SHLD1: variants seen among roughly 807,000 people sequenced by gnomAD.
The protein encoded by SHLD1 is RINN1-REV7-interacting novel NHEJ regulator 3.
In SHLD1, 3 loss-of-function variants were observed where a neutral mutation model predicts 5.5. The ratio of observed to expected loss-of-function variants is 0.54; its 90% CI spans 0.25 to 1.40. The LOEUF (loss-of-function observed/expected upper bound fraction) is 1.40. SHLD1 is among the 40% of genes most tolerant of loss of function. SHLD1 has a pLI of 0.15. For synonymous variants in SHLD1, 92 were observed against 94.3 expected (o/e 0.98, Z 0.14); for missense variants, 210 against 244.4 (o/e 0.86, Z 0.94).
At chr20:5,787,929 A>C (rs2087082523) in intron 2 of SHLD1, among the ~76,000 whole-genome samples, 1 of 152,214 alleles carries the variant, frequency 6.6e-6, no homozygotes, top group Non-Finnish European at 1.5e-5. Context: ...AGTCTCTCTC[A>C]AAAGCCCCTG....
chr20:5,813,740 CT>C (rs1175404982), intron 2 of SHLD1, among the ~76,000 whole-genome samples: 1 of 151,986 alleles, frequency 6.6e-6, no homozygotes, highest in Non-Finnish European at 1.5e-5. Context: ...AAACTTAATT[CT>C]CTGATGAAGT....
intron 2 of SHLD1, among the ~76,000 whole-genome samples, chr20:5,837,985 G>GA (rs898634398): frequency 1.3e-5 from 2 of 151,726 alleles, no homozygotes; most frequent in East Asian, 3.8e-4. Flanking sequence ...GGCAAAGACG[G>GA]AAAAAAAATA....
intron 2 of SHLD1, among the ~76,000 whole-genome samples, chr20:5,776,325 G>A (rs1392295952): frequency 6.6e-6 from 1 of 152,196 alleles, no homozygotes; most frequent in Non-Finnish European, 1.5e-5. Context: ...GGTGCCAGCA[G>A]ATTTGGTGTC....
chr20:5,762,068 A>G (rs935741213), intron 1 of SHLD1, among the ~76,000 whole-genome samples: 5 of 151,534 alleles, frequency 3.3e-5, no homozygotes, highest in Admixed American at 2.6e-4. Flanking sequence ...CCTGACCAAC[A>G]TGGTGAAACC....
rs147100272 is a variant in SHLD1, at chr20:5,838,731, C to T, written c.179-24293C>T. The stretch of plus-strand genomic sequence containing the variant: ...AGGCAGAGGTTGCAGTGAGCTGAGA[C>T]GGCGCCACTGCACTCCAGCCTGGGT... On this transcript the variant is annotated intron_variant, in intron 2 of 2. Coordinates refer to ENST00000303142, the MANE Select transcript of SHLD1 (RefSeq NM_152504.4). Among the ~76,000 whole-genome samples, 28 of 152,232 alleles carry T rather than the reference C, an allele frequency of 1.8e-4. No homozygotes were observed. The East Asian group carries it at 3.3e-3, about 18-fold the overall frequency.
intron 2 of SHLD1, among the ~76,000 whole-genome samples, chr20:5,788,272 C>T (rs1048745357): frequency 2.7e-5 from 4 of 150,522 alleles, no homozygotes; most frequent in South Asian, 2.1e-4. Flanking sequence ...GGTGTACCCC[C>T]ATTTCTTCCT....
At chr20:5,857,121 G>A (rs1226453769) in intron 2 of SHLD1, among the ~76,000 whole-genome samples, 1 of 152,070 alleles carries the variant, frequency 6.6e-6, no homozygotes, top group Non-Finnish European at 1.5e-5. Context: ...GACTGCAGGT[G>A]CCCACCACCA....
At chr20:5,810,223 C>T (rs1274307616) in intron 2 of SHLD1, among the ~76,000 whole-genome samples, 1 of 151,470 alleles carries the variant, frequency 6.6e-6, no homozygotes, top group South Asian at 2.1e-4. Flanking sequence ...TGCCACTGCA[C>T]TCCAGCCTGG....
intron 1 of SHLD1, among the ~76,000 whole-genome samples, chr20:5,757,043 G>A (rs562528432): frequency 1.4e-5 from 2 of 143,870 alleles, no homozygotes; most frequent in African/African-American, 5.1e-5. Flanking sequence ...TTAATTATGG[G>A]TTTTTCTTTT....
chr20:5,858,062 G>A (rs2088113124), intron 2 of SHLD1, among the ~76,000 whole-genome samples: 1 of 147,136 alleles, frequency 6.8e-6, no homozygotes, highest in Non-Finnish European at 1.5e-5. Context: ...TCGCGCCACT[G>A]CACTCCAGCC....
chr20:5,828,185 C>G (rs1258363278), intron 2 of SHLD1, among the ~76,000 whole-genome samples: 3 of 152,060 alleles, frequency 2.0e-5, no homozygotes, highest in Non-Finnish European at 2.9e-5. Flanking sequence ...CTGGGGACAC[C>G]CTTTGTGTCA....
chr20:5,840,654 G>T (rs1395015172), intron 2 of SHLD1, among the ~76,000 whole-genome samples: 1 of 152,312 alleles, frequency 6.6e-6, no homozygotes, highest in South Asian at 2.1e-4. Flanking sequence ...CAAGGCAACA[G>T]CCCCTTTGGC....
intron 2 of SHLD1, among the ~76,000 whole-genome samples, chr20:5,837,345 G>C (rs1274619286): frequency 6.6e-6 from 1 of 152,124 alleles, no homozygotes; most frequent in African/African-American, 2.4e-5. Flanking sequence ...TGCAGGATGT[G>C]CAAGTTTGTT....
At chr20:5,773,067 A>ACTAACTTAAAAACAAC in intron 2 of SHLD1, 24 bp downstream of exon 2, 1 of 1,613,436 alleles carries the variant, frequency 6.2e-7, no homozygotes, top group Non-Finnish European at 8.5e-7. Flanking sequence ...TTTAAAACAA[A>ACTAACTTAAAAACAAC]CTAACTTAAA....
At chr20:5,751,548 A>T (rs1424128622) in intron 1 of SHLD1, among the ~76,000 whole-genome samples, 1 of 152,040 alleles carries the variant, frequency 6.6e-6, no homozygotes, top group African/African-American at 2.4e-5. Context: ...CTCTTGATCA[A>T]CCTGCCTCAG....
chr20:5,823,581 G>C (rs2087632964), intron 2 of SHLD1, among the ~76,000 whole-genome samples: 1 of 151,486 alleles, frequency 6.6e-6, no homozygotes, highest in Admixed American at 6.6e-5. Context: ...CCTAGTAGCT[G>C]GGATTACAGG....
chr20:5,755,565 C>CT (rs35303106), intron 1 of SHLD1, among the ~76,000 whole-genome samples: 6,565 of 146,990 alleles, frequency 0.045, 189 homozygotes, highest in African/African-American at 0.073. Flanking sequence ...TTTTCTTTTT[C>CT]TTTTTTTTTT....
At chr20:5,830,779 G>A (rs922789061) in intron 2 of SHLD1, among the ~76,000 whole-genome samples, 1 of 151,848 alleles carries the variant, frequency 6.6e-6, no homozygotes, top group African/African-American at 2.4e-5. Context: ...AGGTCTTCTG[G>A]GGTTCTGGTG....
chr20:5,860,927 T>C (rs546621719), intron 2 of SHLD1, among the ~76,000 whole-genome samples: 1 of 140,576 alleles, frequency 7.1e-6, no homozygotes, highest in African/African-American at 2.5e-5. Context: ...GCCTGGGACA[T>C]AGCTTTAAGC....
Sources: allele counts gnomAD v4.1 joint callset (sites outside exome capture counted in the v4.1 genomes callset), GRCh38; gene constraint gnomAD v4.1.1; transcripts MANE v1.5; gene names NCBI Gene and HGNC (gene_info 2026-07-23, HGNC 2026-07-21).